HNRNPA2B1: variants seen among roughly 807,000 people sequenced by gnomAD.
HNRNPA2B1 encodes heterogeneous nuclear ribonucleoproteins A2/B1.
In HNRNPA2B1, 3 loss-of-function variants were observed where a neutral mutation model predicts 46.3. The observed-to-expected ratio is 0.06, with a 90% CI of 0.03 to 0.17. The LOEUF (loss-of-function observed/expected upper bound fraction) is 0.17. Ranked by LOEUF, HNRNPA2B1 falls within the 10% of genes least tolerant of loss-of-function variation. HNRNPA2B1 has a pLI of 1.00. For synonymous variants in HNRNPA2B1, 225 were observed against 133.8 expected, an observed-to-expected ratio of 1.68 and a Z score of -4.70; for missense variants, 221 against 418.9, an observed-to-expected ratio of 0.53 and a Z score of 4.12.
At chr7:26,197,240 T>C (rs984442330) in intron 3 of HNRNPA2B1, 75 bp downstream of exon 3, 95 of 1,465,582 alleles carry the variant, frequency 6.5e-5, no homozygotes, top group Admixed American at 1.1e-4. Flanking sequence ...TAAAACTAAA[T>C]TCAGAAATAG....
chr7:26,195,092 C>CAAAAAAAAAAAAAAAAAAA (rs11356411), intron 7 of HNRNPA2B1, among the ~76,000 whole-genome samples: 14 of 51,940 alleles, frequency 2.7e-4, no homozygotes, highest in South Asian at 5.7e-4. Context: ...GGCTCCGTCT[C>CAAAAAAAAAAAAAAAAAAA]AAAAAAAAAA....
intron 1 of HNRNPA2B1, chr7:26,198,575 G>A (rs1043888025): frequency 1.3e-5 from 2 of 152,252 alleles, no homozygotes; most frequent in Non-Finnish European, 2.9e-5. Context: ...AAGCTTACTT[G>A]ATTGGCCATG....
At chr7:26,193,532 T>G (rs1783147809) in intron 8 of HNRNPA2B1, 43 bp downstream of exon 8, 3 of 1,566,508 alleles carry the variant, frequency 1.9e-6, no homozygotes, top group Non-Finnish European at 2.6e-6. Context: ...ACAAAGACAT[T>G]AATTCCAAAT....
At chr7:26,198,968 T>TA (rs1327374367) in intron 1 of HNRNPA2B1, 1 of 152,162 alleles carries the variant, frequency 6.6e-6, no homozygotes, top group African/African-American at 2.4e-5. Flanking sequence ...TCGTAAAAAT[T>TA]AAAGAAAAAA....
At chr7:26,196,224 A>T (rs1330465428) in intron 6 of HNRNPA2B1, among the ~76,000 whole-genome samples, 177 bp downstream of exon 6, 1 of 152,232 alleles carries the variant, frequency 6.6e-6, no homozygotes, top group Non-Finnish European at 1.5e-5. Context: ...ACTGTTATTA[A>T]TACAACTCTA....
intron 10 of HNRNPA2B1, 64 bp from the exon 11 acceptor site, chr7:26,192,402 T>C (rs1358916756): frequency 4.7e-6 from 4 of 854,842 alleles, no homozygotes; most frequent in East Asian, 2.4e-5. Flanking sequence ...CTAACCAGAT[T>C]TTAAGGAAAG....
Position 26,196,865 on chromosome 7 carries a change from C to G in HNRNPA2B1, c.417G>C (p.Lys139Asn), listed in dbSNP as rs776320357. 1 of 1,613,928 alleles carries G rather than the reference C, an allele frequency of 6.2e-7. No homozygotes were observed. The highest frequency in any genetic ancestry group is 8.5e-7 in the Non-Finnish European group (1 of 1,179,990). ...IEIITDRQSGKKRGFGFVTFD... is the reference protein window; with the variant it reads ...IEIITDRQSGNKRGFGFVTFD... Reference sequence around the variant, plus strand: ...AAGTAACAAAGCCAAAGCCTCTTTTCTTTCCAGACTGCCTATCAGTAATTA... The same window carrying G: ...AAGTAACAAAGCCAAAGCCTCTTTTGTTTCCAGACTGCCTATCAGTAATTA... Residue 139 changes from lysine to asparagine, a missense_variant, in exon 4 of 11, where the codon AAG becomes AAC. By Grantham distance (94) the Lys-to-Asn change is moderately conservative. This residue lies in a region of HNRNPA2B1 where 78 missense variants were observed against 218.5 expected (regional missense o/e 0.36). Coordinates refer to ENST00000618183, the MANE Select transcript of HNRNPA2B1 (RefSeq NM_002137.4).
rs751293874 is a variant in HNRNPA2B1, at chr7:26,195,810, G to A, written c.721+37C>T. 10 of 1,600,766 alleles carry A rather than the reference G, an allele frequency of 6.2e-6. No individual in the cohort carries two copies. The East Asian group carries it at 9.0e-5, about 14-fold the overall frequency. Reference sequence around the variant, plus strand: ...AAATATACGATATAGTTAAGTATTAGTCACATAAACAAACCAAAACGTAGA... The same window carrying A: ...AAATATACGATATAGTTAAGTATTAATCACATAAACAAACCAAAACGTAGA... On this transcript the variant is annotated intron_variant, in intron 7 of 10. Transcript: ENST00000618183.
chr7:26,198,898 C>G (rs551995773), intron 1 of HNRNPA2B1: 3 of 152,190 alleles, frequency 2.0e-5, no homozygotes, highest in Non-Finnish European at 4.4e-5. Context: ...CGCATGCTCC[C>G]AACTCCTAAA....
At position 26,194,803 on chromosome 7, in the gene HNRNPA2B1, A is replaced by T. The variant is rs147552100; in HGVS notation, c.721+1044T>A. Among the ~76,000 whole-genome samples the T allele has an allele frequency of 9.0e-3, 1,367 of 151,918 alleles. 19 individuals are homozygous for T. The highest frequency in any genetic ancestry group is 0.029 in the African/African-American group (1,219 of 41,430). On this transcript the variant is annotated intron_variant, in intron 7 of 10. Coordinates refer to ENST00000618183, the MANE Select transcript of HNRNPA2B1 (RefSeq NM_002137.4). The stretch of plus-strand genomic sequence containing the variant: ...CACATACTGCAAAACAAAAATAAAA[A>T]AAAAAAAAAGGCTGGGCATGGTTGC...
rs1782841168 is a variant in HNRNPA2B1, at chr7:26,190,922, T to C, written c.*1438A>G. 6.6e-6 allele frequency: 1 copy of C among 152,618 alleles called. No homozygotes were observed. Among genetic ancestry groups the C allele is most frequent in the Non-Finnish European group, 1.5e-5 (1 of 68,028 alleles). 9.5% of individuals were successfully genotyped at this position (152,618 alleles called of 1,614,324 possible). ...CACTCAAAATGTTTGATCCAAGAAA[T>C]GTGAATACACAAGGGTGTAACGATG... is the stretch of plus-strand genomic sequence containing the variant. On this transcript the variant is annotated 3_prime_UTR_variant, in exon 11 of 11. Transcript: ENST00000618183.
intron 1 of HNRNPA2B1, chr7:26,200,354 C>T (rs1784280256): frequency 1.6e-6 from 1 of 615,456 alleles, no homozygotes; most frequent in Non-Finnish European, 2.9e-6. Flanking sequence ...CCCCCACCCC[C>T]AGTGAAGGGA....
intron 7 of HNRNPA2B1, among the ~76,000 whole-genome samples, chr7:26,194,804 A>T (rs1459009277): frequency 6.6e-6 from 1 of 151,894 alleles, no homozygotes; most frequent in Admixed American, 6.6e-5. Context: ...AAAATAAAAA[A>T]AAAAAAAAGG....
chr7:26,193,740 C>T (rs748997181), intron 7 of HNRNPA2B1, 46 bp from the exon 8 acceptor site: 1 of 1,493,678 alleles, frequency 6.7e-7, no homozygotes, highest in South Asian at 1.2e-5. Flanking sequence ...ATTTTCAATA[C>T]CATTTTGAAC....
intron 7 of HNRNPA2B1, among the ~76,000 whole-genome samples, chr7:26,195,092 C>CA (rs11356411): frequency 0.066 from 3,393 of 51,134 alleles, 151 homozygotes; most frequent in Middle Eastern, 0.1. Flanking sequence ...GGCTCCGTCT[C>CA]AAAAAAAAAA....
rs1584021942 is a variant in HNRNPA2B1 at position 26,200,702 on chromosome 7, C to T, written c.-125G>A. On this transcript the variant is annotated 5_prime_UTR_variant, in exon 1 of 11. Coordinates refer to ENST00000618183, the MANE Select transcript of HNRNPA2B1 (RefSeq NM_002137.4). ...AGAACTGCCGCTGCTCGAGAAACAA[C>T]TCTGCGAGGAGCACCTCCGCACGGG... 5 of 1,239,422 alleles carry T rather than the reference C, an allele frequency of 4.0e-6. 2 individuals carry two copies. The East Asian group carries it at 6.9e-5, about 17-fold the overall frequency. 76.8% of individuals were successfully genotyped at this position (1,239,422 alleles called of 1,614,324 possible).
intron 7 of HNRNPA2B1, among the ~76,000 whole-genome samples, chr7:26,194,999 C>A (rs1462200555): frequency 2.0e-5 from 3 of 147,204 alleles, no homozygotes; most frequent in Non-Finnish European, 3.0e-5. Context: ...GAGGCTGAGG[C>A]AGGAGAATCA....
chr7:26,192,457 C>G, intron 10 of HNRNPA2B1, 38 bp downstream of exon 10: 1 of 1,383,940 alleles, frequency 7.2e-7, no homozygotes, highest in Non-Finnish European at 1.0e-6. Flanking sequence ...CTATGTCTCC[C>G]AAGATAATAA....
chr7:26,193,742 AT>A, intron 7 of HNRNPA2B1, 48 bp from the exon 8 acceptor site: 1 of 1,483,390 alleles, frequency 6.7e-7, no homozygotes, highest in Non-Finnish European at 9.3e-7. Context: ...TTTCAATACC[AT>A]TTTGAACTGT....
Sources: gnomAD v4.1 joint callset for allele counts (sites outside exome capture counted in the v4.1 genomes callset) on GRCh38, gnomAD v4.1.1 for gene constraint, gnomAD v4.1.1 regional missense constraint, MANE v1.5 for transcripts, NCBI Gene and HGNC (gene_info 2026-07-23, HGNC 2026-07-21) for gene names.